The following NIBAN2 variants were observed in gnomAD, a reference collection of about 807,000 sequenced individuals.
NIBAN2 encodes niban apoptosis regulator 2.
In NIBAN2, 36 loss-of-function variants were observed where a neutral mutation model predicts 81.8. That is an observed-to-expected ratio of 0.44 (90% CI 0.34 to 0.58). The LOEUF is 0.58. Among genes scored for constraint, NIBAN2 ranks in the 20% least tolerant of loss-of-function variants. The pLI is 0.02. For missense variants in NIBAN2, 897 were observed against 1,014.1 expected, an observed-to-expected ratio of 0.88 and a Z score of 1.57; for synonymous variants, 445 against 441.6, an observed-to-expected ratio of 1.01 and a Z score of -0.10.
At chr9:127,535,343 G>C (rs561156214) in intron 1 of NIBAN2, among the ~76,000 whole-genome samples, 43 of 152,380 alleles carry the variant, frequency 2.8e-4, no homozygotes, top group African/African-American at 9.4e-4. Context: ...GAGGAGCTGG[G>C]TTCAGAAAGG....
Position 127,523,169 on chromosome 9 carries a change from TAAA to T in NIBAN2, c.589+507_589+509del, listed in dbSNP as rs1159040869. Among the ~76,000 whole-genome samples the T allele has an allele frequency of 6.3e-3, 71 of 11,314 alleles. 1 individual carries two copies. The highest frequency in any genetic ancestry group is 9.8e-3 in the African/African-American group (16 of 1,638). The allele number at this position is 11,314 out of a possible 152,430, so 7.4% of individuals were successfully genotyped here. A position where few individuals can be genotyped will look rare whatever the true frequency, so the allele number is the denominator to read the frequency against. On this transcript the variant is annotated intron_variant, in intron 5 of 13. Transcript: ENST00000373312. ...AAATCACCCTGCAGGTTGGTGGTTT[TAAA>T]AAAAAAAAAAAAAAAAAAAAATATA... is the stretch of plus-strand genomic sequence containing the variant.
At chr9:127,509,371 G>A (rs1836684525) in intron 9 of NIBAN2, among the ~76,000 whole-genome samples, 7 of 152,070 alleles carry the variant, frequency 4.6e-5, no homozygotes, top group African/African-American at 1.7e-4. Flanking sequence ...AGGCAGCCTC[G>A]GTGCCGGCAG....
chr9:127,517,130 C>A lies in NIBAN2; in HGVS notation c.792G>T (p.Arg264=). 6.2e-7 allele frequency: 1 copy of A among 1,613,808 alleles called. No individual in the cohort carries two copies. The highest frequency in any genetic ancestry group is 8.5e-7 in the Non-Finnish European group (1 of 1,179,834). The change falls in exon 7 of 14, where the codon CGG becomes CGT. Residue 264 remains arginine (R), a synonymous_variant. Transcript: ENST00000373312. This position sits in a 1 kb window ranked among gnomAD's most constrained non-coding sequence, Gnocchi z 4.0. ...GPRLKGKPQE[R]QRQWIQISDA... ...CACCCACCTGGATCCACTGCCGCTG[C>A]CGCTCCTGCGGTTTCCCCTTCAGCC...
At chr9:127,528,512 AGTCCCGTCTCTCCACCCCCTTCACCAT>A (rs1251654918) in intron 2 of NIBAN2, among the ~76,000 whole-genome samples, 2 of 152,100 alleles carry the variant, frequency 1.3e-5, no homozygotes, top group African/African-American at 4.8e-5. Flanking sequence ...CCATCCCTGC[AGTCCCGTCTCTCCACCCCCTTCACCAT>A]GTCCCCCTCT....
intron 1 of NIBAN2, among the ~76,000 whole-genome samples, chr9:127,561,518 G>A (rs1837773880): frequency 6.6e-6 from 1 of 152,164 alleles, no homozygotes; most frequent in South Asian, 2.1e-4. Context: ...AGGGCTCTAA[G>A]ACTCAGACAG....
chr9:127,555,458 C>T (rs908337779), intron 1 of NIBAN2, among the ~76,000 whole-genome samples: 1 of 152,254 alleles, frequency 6.6e-6, no homozygotes, highest in Non-Finnish European at 1.5e-5. Context: ...GCTAAAACCC[C>T]GAAGCCAGCC....
At chr9:127,530,358 C>CA (rs1299150411) in intron 2 of NIBAN2, among the ~76,000 whole-genome samples, 8 of 152,246 alleles carry the variant, frequency 5.3e-5, no homozygotes, top group Non-Finnish European at 7.3e-5. Flanking sequence ...CTGGGCTGGT[C>CA]CAGCCTCCGC....
Position 127,517,301 on chromosome 9 carries a change from G to A in NIBAN2, c.706-85C>T, listed in dbSNP as rs766998997. The A allele has an allele frequency of 1.4e-5, 16 of 1,156,748 alleles. No individual in the cohort carries two copies. The highest frequency in any genetic ancestry group is 2.8e-4 in the Middle Eastern group (1 of 3,570). The allele number at this position is 1,156,748 out of a possible 1,614,324, so 71.7% of individuals were successfully genotyped here. ...TCTCTGCATTCCCACAAGCCAGGCC[G>A]CTGCAGCCCCCACCTCCTCCGCGAC... On this transcript the variant is annotated intron_variant, in intron 6 of 13. Transcript: ENST00000373312. This position sits in a 1 kb window ranked among gnomAD's most constrained non-coding sequence, Gnocchi z 4.0.
At chr9:127,578,879 C>A in intron 1 of NIBAN2, 4 of 1,595,640 alleles carry the variant, frequency 2.5e-6, no homozygotes, top group East Asian at 2.3e-5. Flanking sequence ...CAAAAAAGAA[C>A]CCCGTGTGCC....
rs1007680473 is a variant in NIBAN2, at chr9:127,531,520, C to G, written c.186+128G>C. 4.5e-5 allele frequency: 34 copies of G among 749,538 alleles called. No individual in the cohort carries two copies. The African/African-American group carries it at 4.6e-4, about 10-fold the overall frequency. 46.4% of individuals were successfully genotyped at this position (749,538 alleles called of 1,614,324 possible). On this transcript the variant is annotated intron_variant, in intron 2 of 13. Coordinates refer to ENST00000373312, the MANE Select transcript of NIBAN2 (RefSeq NM_022833.4). ...AAATAATTAATTTTAAAAAAAGAAGCTGGGGAGACCCTTAGAGGCCATCAC... is the reference window on the plus strand; with the variant it reads ...AAATAATTAATTTTAAAAAAAGAAGGTGGGGAGACCCTTAGAGGCCATCAC...
At chr9:127,564,649 G>A (rs1837827596) in intron 1 of NIBAN2, among the ~76,000 whole-genome samples, 1 of 152,056 alleles carries the variant, frequency 6.6e-6, no homozygotes, top group Non-Finnish European at 1.5e-5. Context: ...GAGGTGGGTG[G>A]ATCACCTGAG....
chr9:127,547,503 C>T (rs1017487250), intron 1 of NIBAN2, among the ~76,000 whole-genome samples: 4 of 142,920 alleles, frequency 2.8e-5, no homozygotes, highest in South Asian at 2.2e-4. Context: ...GGCTACAGAG[C>T]GAGACTCCAT....
intron 1 of NIBAN2, among the ~76,000 whole-genome samples, chr9:127,556,192 C>G (rs1403472165): frequency 6.6e-6 from 1 of 152,220 alleles, no homozygotes; most frequent in Non-Finnish European, 1.5e-5. Flanking sequence ...CAGTGAGTCA[C>G]GCTTCGAGGA....
In NIBAN2 at chr9:127,563,257, C is replaced by T. The variant is rs1471906949; in HGVS notation, c.55+5563G>A. On this transcript the variant is annotated intron_variant, in intron 1 of 13. Coordinates refer to ENST00000373312, the MANE Select transcript of NIBAN2 (RefSeq NM_022833.4). The surrounding 1 kb of genome is among the most constrained non-coding windows in gnomAD (Gnocchi z 4.1). ...AGAGGAGGCTGGATGGAGGGGAAGG[C>T]AGGGTCAAAGCCAACAAAAGCATGT... Among the ~76,000 whole-genome samples, 1 of 152,206 alleles carries T rather than the reference C, an allele frequency of 6.6e-6. No homozygotes were observed. Among genetic ancestry groups the T allele is most frequent in the Non-Finnish European group, 1.5e-5 (1 of 68,034 alleles).
At chr9:127,509,218 TC>T in intron 9 of NIBAN2, 87 bp from the exon 10 acceptor site, 1 of 1,352,884 alleles carries the variant, frequency 7.4e-7, no homozygotes, top group African/African-American at 1.5e-5. Flanking sequence ...GTCCTCGAAG[TC>T]CAGGCCCTGG....
chr9:127,565,818 G>T (rs1182410994), intron 1 of NIBAN2, among the ~76,000 whole-genome samples: 1 of 150,892 alleles, frequency 6.6e-6, no homozygotes, highest in Non-Finnish European at 1.5e-5. Context: ...TTAGTTCATG[G>T]GCGGGAAGTT....
At chr9:127,524,601 C>T (rs144117156) in intron 4 of NIBAN2, among the ~76,000 whole-genome samples, 17 of 152,218 alleles carry the variant, frequency 1.1e-4, no homozygotes, top group African/African-American at 1.7e-4. Flanking sequence ...CCAGGAATGC[C>T]GCTCGAATCC....
chr9:127,517,955 G>A lies in NIBAN2; in HGVS notation c.590-14C>T, dbSNP rs1421500368. ...CCTCAGGGATTCCTGCCCAGGAGACGGAGGGAGAGAGGAGGTCAGCAGATG... is the reference window on the plus strand; with the variant it reads ...CCTCAGGGATTCCTGCCCAGGAGACAGAGGGAGAGAGGAGGTCAGCAGATG... On this transcript the variant is annotated splice_polypyrimidine_tract_variant and intron_variant, in intron 5 of 13. Coordinates refer to ENST00000373312, the MANE Select transcript of NIBAN2 (RefSeq NM_022833.4). This position sits in a 1 kb window ranked among gnomAD's most constrained non-coding sequence, Gnocchi z 4.0. The A allele has an allele frequency of 8.3e-6, 13 of 1,567,122 alleles. No individual in the cohort carries two copies. Among genetic ancestry groups the A allele is most frequent in the African/African-American group, 4.1e-5 (3 of 73,872 alleles).
chr9:127,573,518 AC>A (rs1564324358), upstream of NIBAN2, among the ~76,000 whole-genome samples: 1 of 150,574 alleles, frequency 6.6e-6, no homozygotes, highest in Non-Finnish European at 1.5e-5. Flanking sequence ...AGGAAGTTTG[AC>A]ATCAGAGAAT....
Sources: allele counts gnomAD v4.1 joint callset (sites outside exome capture counted in the v4.1 genomes callset), GRCh38; gene constraint gnomAD v4.1.1; non-coding constraint Gnocchi (gnomAD v3.1); transcripts MANE v1.5; gene names NCBI Gene and HGNC (gene_info 2026-07-23, HGNC 2026-07-21).